Variants in PDIA4 observed in about 807,000 individuals in gnomAD.
The protein encoded by PDIA4 is protein disulfide-isomerase A4.
A neutral mutation model predicts 62.1 loss-of-function variants in PDIA4; 33 were observed. The ratio of observed to expected loss-of-function variants is 0.53; its 90% CI spans 0.40 to 0.71. The LOEUF (loss-of-function observed/expected upper bound fraction) is 0.71. Ranked by LOEUF, PDIA4 falls within the 30% of genes least tolerant of loss-of-function variation. The pLI is 0.00. For missense variants in PDIA4, 804 were observed against 813.6 expected, an observed-to-expected ratio of 0.99 and a Z score of 0.14; for synonymous variants, 341 against 324.1, an observed-to-expected ratio of 1.05 and a Z score of -0.56.
chr7:149,012,125 C>T, intron 5 of PDIA4, 30 bp downstream of exon 5: 1 of 1,612,708 alleles, frequency 6.2e-7, no homozygotes, highest in Non-Finnish European at 8.5e-7. Context: ...CCCTTCCCCA[C>T]TGTAGTGGGA....
chr7:149,010,597 G>C (rs900632255), intron 6 of PDIA4, among the ~76,000 whole-genome samples: 32 of 152,130 alleles, frequency 2.1e-4, no homozygotes, highest in Admixed American at 1.9e-3. Flanking sequence ...AGACAGACCC[G>C]CATCAAGAAC....
chr7:149,006,629 C>T (rs1000050881), intron 7 of PDIA4, among the ~76,000 whole-genome samples: 5 of 152,124 alleles, frequency 3.3e-5, no homozygotes, highest in African/African-American at 1.2e-4. Context: ...GACAAGAGGG[C>T]CCCGCTGGTG....
intron 6 of PDIA4, among the ~76,000 whole-genome samples, chr7:149,011,138 T>C (rs1243911758): frequency 6.6e-6 from 1 of 152,182 alleles, no homozygotes; most frequent in Admixed American, 6.5e-5. Context: ...AAAATTATAA[T>C]CAGTTAGCAC....
chr7:149,024,001 C>G (rs1824448420), intron 1 of PDIA4, among the ~76,000 whole-genome samples: 2 of 152,226 alleles, frequency 1.3e-5, no homozygotes, highest in South Asian at 4.1e-4. Context: ...AATCCCAGCA[C>G]TTTGGGAGGC....
intron 1 of PDIA4, among the ~76,000 whole-genome samples, chr7:149,023,098 C>T (rs1374840009): frequency 6.6e-6 from 1 of 152,188 alleles, no homozygotes; most frequent in Non-Finnish European, 1.5e-5. Flanking sequence ...ACTCCCTAGG[C>T]ACTGTCAGAA....
chr7:149,003,995 G>C lies in PDIA4; in HGVS notation c.1737C>G (p.Val579=). ...AKKYKGQKGL[V]IAKMDATAND... is the part of the protein sequence containing the mutation. ...TGGCAGTGGCGTCCATCTTGGCGAT[G>C]ACCAGGCCCTTTTGGCCCTTGTACT... Residue 579 remains valine (V), a synonymous_variant, in exon 10 of 10, where the codon GTC becomes GTG. Coordinates refer to ENST00000652332, the MANE Select transcript of PDIA4 (RefSeq NM_004911.5). The C allele has an allele frequency of 3.7e-6, 6 of 1,613,970 alleles. No homozygotes were observed. Among genetic ancestry groups the C allele is most frequent in the Middle Eastern group, 1.7e-4 (1 of 6,060 alleles).
At chr7:149,023,814 C>A (rs6464930) in intron 1 of PDIA4, among the ~76,000 whole-genome samples, 1 of 151,990 alleles carries the variant, frequency 6.6e-6, no homozygotes, top group Non-Finnish European at 1.5e-5. Context: ...AAAACAAAGA[C>A]GTCTTCTTAC....
chr7:149,019,636 C>T (rs1227146585), intron 2 of PDIA4, among the ~76,000 whole-genome samples: 2 of 152,100 alleles, frequency 1.3e-5, no homozygotes, highest in East Asian at 1.9e-4. Flanking sequence ...CATAGTGAAA[C>T]GCTGTCTGTA....
At chr7:149,006,215 T>G in intron 7 of PDIA4, 162 bp from the exon 8 acceptor site, 9 of 599,852 alleles carry the variant, frequency 1.5e-5, no homozygotes, top group African/African-American at 2.0e-5. Context: ...AGCCCAGTCA[T>G]TCCCTACCGT....
chr7:149,006,061 A>G lies in PDIA4; in HGVS notation c.1132-8T>C, dbSNP rs746700045. On this transcript the variant is annotated splice_polypyrimidine_tract_variant and splice_region_variant and intron_variant, in intron 7 of 9. Coordinates refer to ENST00000652332, the MANE Select transcript of PDIA4 (RefSeq NM_004911.5). ...CGAGTCCTGGGTGGAGCCCTGCTTC[A>G]AAGAGGGAACAGGTGAGGGGGCCCA... 6.4e-6 allele frequency: 10 copies of G among 1,553,748 alleles called. No individual in the cohort carries two copies. Among genetic ancestry groups the G allele is most frequent in the Non-Finnish European group, 7.8e-6 (9 of 1,158,426 alleles).
intron 7 of PDIA4, chr7:149,006,378 C>T (rs1257703678): frequency 1.2e-5 from 3 of 252,168 alleles, no homozygotes; most frequent in Admixed American, 6.0e-5. Context: ...AGGGTTATCA[C>T]GGGCTGGGCT....
chr7:149,021,899 C>T (rs768706911), intron 1 of PDIA4, among the ~76,000 whole-genome samples: 1 of 152,148 alleles, frequency 6.6e-6, no homozygotes, highest in Non-Finnish European at 1.5e-5. Context: ...ACCCACATCC[C>T]ACACTCTGCA....
rs151049462 is a variant in PDIA4, at chr7:149,014,252, C to T, written c.614+652G>A. 6.2e-3 allele frequency among the ~76,000 whole-genome samples: 950 copies of T among 152,278 alleles called. 16 individuals are homozygous for T. Among genetic ancestry groups the T allele is most frequent in the African/African-American group, 0.022 (896 of 41,530 alleles). On this transcript the variant is annotated intron_variant, in intron 4 of 9. Coordinates refer to ENST00000652332, the MANE Select transcript of PDIA4 (RefSeq NM_004911.5). ...CCTGTGCATCAGCCATGGCCTCCAC[C>T]TGCTGGTTCTAGGCCCAAAAGCTTC...
intron 5 of PDIA4, 30 bp from the exon 6 acceptor site, chr7:149,012,034 G>A (rs1823962544): frequency 1.3e-6 from 2 of 1,596,012 alleles, no homozygotes; most frequent in Non-Finnish European, 1.7e-6. Context: ...CTGAGCAGGG[G>A]CACTAAGAAC....
intron 6 of PDIA4, 93 bp downstream of exon 6, chr7:149,011,752 CT>C: frequency 2.8e-6 from 3 of 1,052,720 alleles, no homozygotes; most frequent in East Asian, 5.0e-5. Flanking sequence ...AAACCACCCC[CT>C]AATGGATGTC....
chr7:149,021,102 T>TC lies in PDIA4; in HGVS notation c.133dup (p.Glu45GlyfsTer5). ...TTCTTCCTCATCATCATCTTCCTCC[T>TC]CCTCCTCCTCTTCATCCTCAATGGC... is the stretch of plus-strand genomic sequence containing the variant. On this transcript the variant is annotated frameshift_variant, in exon 2 of 10. Coordinates refer to ENST00000652332, the MANE Select transcript of PDIA4 (RefSeq NM_004911.5). LOFTEE classifies it high-confidence loss of function. 1 of 1,610,012 alleles carries TC rather than the reference T, an allele frequency of 6.2e-7. No homozygotes were observed. Among genetic ancestry groups the TC allele is most frequent in the Non-Finnish European group, 8.5e-7 (1 of 1,177,482 alleles).
chr7:149,027,688 G>A (rs1824604718), intron 1 of PDIA4, among the ~76,000 whole-genome samples: 1 of 149,294 alleles, frequency 6.7e-6, no homozygotes, highest in South Asian at 2.1e-4. Context: ...TCATGGGCAG[G>A]GACCACACTC....
chr7:149,028,089 A>G lies in PDIA4; in HGVS notation c.88+232T>C, dbSNP rs1019848854. The G allele has an allele frequency of 4.3e-5, 26 of 610,606 alleles. No homozygotes were observed. The East Asian group carries it at 7.7e-4, about 18-fold the overall frequency. 37.8% of individuals were successfully genotyped at this position (610,606 alleles called of 1,614,324 possible). A position where few individuals can be genotyped will look rare whatever the true frequency, so the allele number is the denominator to read the frequency against. On this transcript the variant is annotated intron_variant, in intron 1 of 9. Coordinates refer to ENST00000652332, the MANE Select transcript of PDIA4 (RefSeq NM_004911.5). ...GGGTCTTCCAGGGCGTCGGAGCCCA[A>G]GAGACCCCGGCCACCTTCCTCTCCC...
rs1270812479 is a variant in PDIA4 at position 149,003,939 on chromosome 7, T to G, written c.1793A>C (p.Glu598Ala). Residue 598 changes from glutamate (E) to alanine (A), a missense_variant, in exon 10 of 10, where the codon GAG becomes GCG. Physicochemically the swap from Glu to Ala is moderately radical, Grantham distance 107. Coordinates refer to ENST00000652332, the MANE Select transcript of PDIA4 (RefSeq NM_004911.5). ...GGCGAAGTAGATGGTGGGGAAGCCC[T>G]CCACCTTATAGCGGTCGCTGGGGAC... ...NDVPSDRYKV[E>A]GFPTIYFAPS... 2 of 1,613,766 alleles carry G rather than the reference T, an allele frequency of 1.2e-6. No homozygotes were observed. Among genetic ancestry groups the G allele is most frequent in the East Asian group, 2.2e-5 (1 of 44,878 alleles).
Sources: gnomAD v4.1 joint callset for allele counts (sites outside exome capture counted in the v4.1 genomes callset) on GRCh38, gnomAD v4.1.1 for gene constraint, MANE v1.5 for transcripts, NCBI Gene and HGNC (gene_info 2026-07-23, HGNC 2026-07-21) for gene names.